Variants in RASA3 observed in about 807,000 individuals in gnomAD.
RASA3 encodes ras GTPase-activating protein 3.
Under a neutral mutation model 110.0 loss-of-function variants are expected in RASA3, and 73 were observed. The ratio of observed to expected loss-of-function variants is 0.66; its 90% CI spans 0.55 to 0.81. The LOEUF (loss-of-function observed/expected upper bound fraction) is 0.81, where lower values mean the gene tolerates loss of function less well. Among genes scored for constraint, RASA3 ranks in the 30% least tolerant of loss-of-function variants. The pLI is 0.00. For synonymous variants in RASA3, 500 were observed against 451.4 expected (o/e 1.11, Z -1.37); for missense variants, 976 against 1,113.2 (o/e 0.88, Z 1.75).
intron 11 of RASA3, 59 bp from the exon 12 acceptor site, chr13:114,017,410 G>A (rs544527676): frequency 1.6e-5 from 22 of 1,369,326 alleles, no homozygotes; most frequent in Non-Finnish European, 2.2e-5. Flanking sequence ...TGCAGACGGA[G>A]CAGAGCCTGG....
Position 113,992,486 on chromosome 13 carries a change from C to G in RASA3, c.2244G>C (p.Gln748His). 6.2e-7 allele frequency: 1 copy of G among 1,612,246 alleles called. No individual in the cohort carries two copies. Among genetic ancestry groups the G allele is most frequent in the Non-Finnish European group, 8.5e-7 (1 of 1,179,070 alleles). Residue 748 changes from glutamine (Q) to histidine (H), a missense_variant and splice_region_variant, in exon 22 of 24, where the codon CAG becomes CAC. By Grantham distance (24) the Gln-to-His change is conservative. Coordinates refer to ENST00000334062, the MANE Select transcript of RASA3 (RefSeq NM_007368.4). Reference sequence around the variant, plus strand: ...GATCTGTGTGCCGGGCAGACTCACCCTGCATCTTCTCCAGCTTGCTCATGT... The same window carrying G: ...GATCTGTGTGCCGGGCAGACTCACCGTGCATCTTCTCCAGCTTGCTCATGT... The part of the protein sequence containing the change: ...NLYMSKLEKM[Q>H]EACGSKSVYD...
At chr13:114,054,126 CA>C (rs1200577670) in intron 2 of RASA3, among the ~76,000 whole-genome samples, 1 of 149,888 alleles carries the variant, frequency 6.7e-6, no homozygotes, top group African/African-American at 2.5e-5. Context: ...AACTCAGTCT[CA>C]AAAAAATAAT....
intron 18 of RASA3, among the ~76,000 whole-genome samples, chr13:114,001,587 A>G (rs1263439841): frequency 6.9e-6 from 1 of 144,586 alleles, no homozygotes; most frequent in Non-Finnish European, 1.5e-5. Flanking sequence ...CCCACACAAC[A>G]CAGAGGACCT....
At chr13:114,090,547 G>A (rs986471469) in intron 1 of RASA3, among the ~76,000 whole-genome samples, 12 of 152,186 alleles carry the variant, frequency 7.9e-5, no homozygotes, top group African/African-American at 2.4e-4. Context: ...AGGAGATTCC[G>A]CTTCCGACCA....
At chr13:114,028,561 G>A (rs1217578391) in intron 5 of RASA3, among the ~76,000 whole-genome samples, 1 of 148,010 alleles carries the variant, frequency 6.8e-6, no homozygotes, top group Non-Finnish European at 1.5e-5. Flanking sequence ...CATCCTGGAA[G>A]GGGGCCAGAA....
intron 4 of RASA3, among the ~76,000 whole-genome samples, chr13:114,039,854 G>T (rs1482799491): frequency 6.6e-6 from 1 of 152,250 alleles, no homozygotes; most frequent in African/African-American, 2.4e-5. Flanking sequence ...GACAGGACCG[G>T]GGTGAGCCCC....
chr13:113,998,389 T>C (rs2053305348), intron 20 of RASA3, among the ~76,000 whole-genome samples: 2 of 152,334 alleles, frequency 1.3e-5, no homozygotes, highest in African/African-American at 2.4e-5. Context: ...GTGAATAACA[T>C]GCTAGTAAAA....
At position 114,011,053 on chromosome 13, in the gene RASA3, G is replaced by A. The variant is rs965177925; in HGVS notation, c.1590+118C>T. Reference sequence around the variant, plus strand: ...CAAGAGAGGATGTGGTGCCGGCTTTGATTCTTGATCTTTATCTTACGACTC... The same window carrying A: ...CAAGAGAGGATGTGGTGCCGGCTTTAATTCTTGATCTTTATCTTACGACTC... On this transcript the variant is annotated intron_variant, in intron 16 of 23. Transcript: ENST00000334062. The surrounding 1 kb of genome is among the most constrained non-coding windows in gnomAD (Gnocchi z 4.8). 15 of 996,492 alleles carry A rather than the reference G, an allele frequency of 1.5e-5. No individual in the cohort carries two copies. The Admixed American group carries it at 2.5e-4, about 17-fold the overall frequency. 61.7% of individuals were successfully genotyped at this position (996,492 alleles called of 1,614,324 possible).
At position 114,057,181 on chromosome 13, in the gene RASA3, C is replaced by T. The variant is rs2079259734; in HGVS notation, c.174-5026G>A. On this transcript the variant is annotated intron_variant, in intron 2 of 23. Coordinates refer to ENST00000334062, the MANE Select transcript of RASA3 (RefSeq NM_007368.4). The surrounding 1 kb of genome is among the most constrained non-coding windows in gnomAD (Gnocchi z 5.0). ...TCCAATTGCCTATTTTAATGTTTTT[C>T]TTCTTATTTCATATAACTTTTTAAA... 1.0e-6 allele frequency: 1 copy of T among 979,920 alleles called. No homozygotes were observed. The highest frequency in any genetic ancestry group is 1.8e-5 in the African/African-American group (1 of 56,926). The allele number at this position is 979,920 out of a possible 1,614,324, so 60.7% of individuals were successfully genotyped here.
At chr13:114,061,941 C>T (rs1017098783) in intron 2 of RASA3, among the ~76,000 whole-genome samples, 9 of 152,024 alleles carry the variant, frequency 5.9e-5, no homozygotes, top group African/African-American at 1.9e-4. Flanking sequence ...GCGGGGAGGA[C>T]GGCAAGGTCA....
intron 2 of RASA3, among the ~76,000 whole-genome samples, chr13:114,069,514 C>T (rs1303878696): frequency 7.8e-5 from 5 of 64,410 alleles, no homozygotes; most frequent in Non-Finnish European, 1.5e-4. Context: ...CTCAGGGGGC[C>T]AGGAGACACA....
At chr13:114,130,426 T>A (rs2080501587) in intron 1 of RASA3, among the ~76,000 whole-genome samples, 1 of 152,306 alleles carries the variant, frequency 6.6e-6, no homozygotes, top group East Asian at 1.9e-4. Context: ...AGCCTAAGCC[T>A]CAGCTGAGCC....
At position 114,056,009 on chromosome 13, in the gene RASA3, C is replaced by T. The variant is rs1409959634; in HGVS notation, c.174-3854G>A. Among the ~76,000 whole-genome samples the T allele has an allele frequency of 2.0e-5, 3 of 152,234 alleles. No homozygotes were observed. The highest frequency in any genetic ancestry group is 4.1e-4 in the South Asian group (2 of 4,836). ...CTCCATTGGCACAAACTCCAGCAGC[C>T]GGCTTGTCAGGAAGCTGCAGCAGCT... On this transcript the variant is annotated intron_variant, in intron 2 of 23. Transcript: ENST00000334062. The surrounding 1 kb of genome is among the most constrained non-coding windows in gnomAD (Gnocchi z 5.7).
intron 22 of RASA3, among the ~76,000 whole-genome samples, chr13:113,991,539 TTTC>T (rs1275596624): frequency 6.6e-6 from 1 of 152,200 alleles, no homozygotes; most frequent in Non-Finnish European, 1.5e-5. Flanking sequence ...CCCGTGGGCT[TTTC>T]TTGTCTCTGC....
intron 4 of RASA3, among the ~76,000 whole-genome samples, chr13:114,034,677 G>A (rs577948009): frequency 2.6e-5 from 4 of 152,386 alleles, no homozygotes; most frequent in African/African-American, 4.8e-5. Context: ...AGGTGCTGGC[G>A]CAGGCTGGAG....
intron 1 of RASA3, among the ~76,000 whole-genome samples, chr13:114,121,611 C>G (rs1479855475): frequency 6.6e-6 from 1 of 152,224 alleles, no homozygotes; most frequent in Non-Finnish European, 1.5e-5. Context: ...GGACTCCTCC[C>G]TCAGCCTGAA....
chr13:114,060,615 G>A (rs1412325365), intron 2 of RASA3, among the ~76,000 whole-genome samples: 1 of 152,238 alleles, frequency 6.6e-6, no homozygotes, highest in Non-Finnish European at 1.5e-5. Flanking sequence ...CTGCGGGGAC[G>A]CGAAGGGCCA....
At chr13:114,038,204 C>T (rs954573117) in intron 4 of RASA3, among the ~76,000 whole-genome samples, 19 of 152,248 alleles carry the variant, frequency 1.2e-4, no homozygotes, top group African/African-American at 4.3e-4. Flanking sequence ...GAGACCCCAG[C>T]GACGGCGGGT....
At chr13:113,995,756 C>G (rs189246725) in intron 21 of RASA3, among the ~76,000 whole-genome samples, 3 of 14,104 alleles carry the variant, frequency 2.1e-4, no homozygotes, top group Admixed American at 6.1e-4. Context: ...GCCCGGCTGA[C>G]GGGGGCCCGG....
Sources: allele counts gnomAD v4.1 joint callset (sites outside exome capture counted in the v4.1 genomes callset), GRCh38; gene constraint gnomAD v4.1.1; non-coding constraint Gnocchi (gnomAD v3.1); transcripts MANE v1.5; gene names NCBI Gene and HGNC (gene_info 2026-07-23, HGNC 2026-07-21).